VPS8: variants seen among roughly 807,000 people sequenced by gnomAD.
VPS8 encodes VPS8 subunit of CORVET complex, also known as vacuolar protein sorting-associated protein 8 homolog.
In VPS8, 129 loss-of-function variants were observed where a neutral mutation model predicts 216.4. The observed-to-expected ratio is 0.60, with a 90% CI of 0.52 to 0.69. The LOEUF (loss-of-function observed/expected upper bound fraction) is 0.69. VPS8 is among the 30% of genes least tolerant of loss of function. The probability of loss-of-function intolerance (pLI) is 0.00; values close to 1 mark genes in which losing one functional copy is unlikely to be tolerated. For synonymous variants in VPS8, 571 were observed against 565.4 expected (o/e 1.01, Z -0.14); for missense variants, 1,531 against 1,683.5 (o/e 0.91, Z 1.59).
At chr3:184,899,835 T>C (rs1017239109) in intron 24 of VPS8, among the ~76,000 whole-genome samples, 68 of 152,344 alleles carry the variant, frequency 4.5e-4, no homozygotes, top group African/African-American at 1.6e-3. Context: ...TAACGTTGCT[T>C]TTGAAATGTT....
chr3:184,933,898 T>G (rs1342849503), intron 34 of VPS8, among the ~76,000 whole-genome samples: 1 of 152,208 alleles, frequency 6.6e-6, no homozygotes, highest in African/African-American at 2.4e-5. Flanking sequence ...AGTCTTGATA[T>G]CTTTAACAGA....
At chr3:184,898,168 C>G (rs1300178421) in intron 23 of VPS8, among the ~76,000 whole-genome samples, 1 of 152,090 alleles carries the variant, frequency 6.6e-6, no homozygotes, top group Non-Finnish European at 1.5e-5. Context: ...TGTCCAAGAT[C>G]AATGTAAGTT....
chr3:184,999,515 G>A (rs900279702), intron 44 of VPS8, among the ~76,000 whole-genome samples, 181 bp from the exon 45 acceptor site: 1 of 152,228 alleles, frequency 6.6e-6, no homozygotes, highest in Non-Finnish European at 1.5e-5. Flanking sequence ...ATGTATGAAT[G>A]TGGATTTTTA....
chr3:184,991,637 T>C (rs1009485664), intron 42 of VPS8, among the ~76,000 whole-genome samples: 1 of 152,152 alleles, frequency 6.6e-6, no homozygotes, highest in East Asian at 1.9e-4. Context: ...CCACATATTA[T>C]AGTAAATATT....
At chr3:184,943,499 G>C (rs971501359) in intron 36 of VPS8, among the ~76,000 whole-genome samples, 2 of 152,068 alleles carry the variant, frequency 1.3e-5, no homozygotes, top group African/African-American at 2.4e-5. Flanking sequence ...ACGGATATAG[G>C]GTCAAAACAA....
At chr3:185,018,427 A>G (rs375239294) in intron 45 of VPS8, among the ~76,000 whole-genome samples, 1 of 152,208 alleles carries the variant, frequency 6.6e-6, no homozygotes, top group Non-Finnish European at 1.5e-5. Flanking sequence ...ATCATCCTGC[A>G]TGACCACTTG....
At chr3:184,976,391 T>G (rs986168945) in intron 40 of VPS8, among the ~76,000 whole-genome samples, 8 of 152,098 alleles carry the variant, frequency 5.3e-5, no homozygotes, top group Admixed American at 1.3e-4. Context: ...GACTTTTTTT[T>G]TTGTTTTTTC....
In VPS8 at chr3:184,838,715, A is replaced by G. The variant is rs1395797454; in HGVS notation, c.449A>G (p.Asp150Gly). ...GISAQIVSAA[D>G]KVDAGLPTAI... ...TACTTTCTTTAAAATTTCATTTAGGACAAAGTAGATGCTGGCTTGCCTACA... is the reference window on the plus strand; with the variant it reads ...TACTTTCTTTAAAATTTCATTTAGGGCAAAGTAGATGCTGGCTTGCCTACA... The change falls in exon 6 of 48, where the codon GAC becomes GGC. Residue 150 changes from aspartate to glycine, a missense_variant and splice_region_variant. By Grantham distance (94) the Asp-to-Gly change is moderately conservative. Around this residue, in one of 3 missense-constraint regions of VPS8, gnomAD observed 199 missense variants for 182.2 expected, o/e 1.09. Transcript: ENST00000625842. 1.3e-6 allele frequency: 2 copies of G among 1,541,898 alleles called. No individual in the cohort carries two copies. Among genetic ancestry groups the G allele is most frequent in the South Asian group, 1.2e-5 (1 of 80,346 alleles).
At chr3:184,846,486 TCTC>T (rs1372300594) in intron 8 of VPS8, among the ~76,000 whole-genome samples, 1 of 152,214 alleles carries the variant, frequency 6.6e-6, no homozygotes, top group African/African-American at 2.4e-5. Flanking sequence ...TATTCTCAGT[TCTC>T]CTGCTTATAC....
intron 22 of VPS8, among the ~76,000 whole-genome samples, chr3:184,886,885 A>G (rs1731377503): frequency 2.0e-5 from 3 of 152,106 alleles, no homozygotes. Flanking sequence ...GGCCTGGTAT[A>G]TATGCTTTTA....
intron 46 of VPS8, among the ~76,000 whole-genome samples, chr3:185,040,862 T>G (rs1267039002): frequency 6.6e-6 from 1 of 152,196 alleles, no homozygotes; most frequent in Non-Finnish European, 1.5e-5. Flanking sequence ...CTCCCAAGGA[T>G]AGGCCTCTTT....
intron 46 of VPS8, among the ~76,000 whole-genome samples, chr3:185,040,930 C>T (rs866771490): frequency 7.9e-5 from 12 of 152,128 alleles, no homozygotes; most frequent in South Asian, 2.1e-4. Context: ...TGGCCAGGCG[C>T]GGTGGCTCAT....
At chr3:184,989,888 C>T (rs62289477) in intron 42 of VPS8, among the ~76,000 whole-genome samples, 10,068 of 151,728 alleles carry the variant, frequency 0.066, 363 homozygotes, top group Middle Eastern at 0.11. Context: ...CTGGCTAACA[C>T]GGTGAAAACC....
intron 1 of VPS8, among the ~76,000 whole-genome samples, chr3:184,822,745 G>A (rs1717878283): frequency 6.6e-6 from 1 of 152,180 alleles, no homozygotes; most frequent in Non-Finnish European, 1.5e-5. Flanking sequence ...ATGAGCTAAG[G>A]TCTTTGAAGA....
At chr3:185,011,525 T>C (rs181336684) in intron 45 of VPS8, among the ~76,000 whole-genome samples, 1 of 152,310 alleles carries the variant, frequency 6.6e-6, no homozygotes, top group East Asian at 1.9e-4. Flanking sequence ...GTTTTCCAAA[T>C]TGTGTACAGA....
At chr3:184,966,216 C>T (rs993085396) in intron 38 of VPS8, among the ~76,000 whole-genome samples, 1 of 152,090 alleles carries the variant, frequency 6.6e-6, no homozygotes, top group African/African-American at 2.4e-5. Context: ...AAACATCCAG[C>T]TCTCATGTAA....
intron 46 of VPS8, among the ~76,000 whole-genome samples, chr3:185,041,565 T>G (rs1377294722): frequency 1.3e-5 from 2 of 152,188 alleles, no homozygotes; most frequent in Non-Finnish European, 2.9e-5. Context: ...CCAACATGTT[T>G]CCTGATGAAG....
At chr3:184,885,856 C>G (rs1731123203) in intron 21 of VPS8, 3 of 332,212 alleles carry the variant, frequency 9.0e-6, no homozygotes, top group Non-Finnish European at 1.6e-5. Flanking sequence ...TAGAAAGATG[C>G]AGTGAACACC....
At chr3:184,914,609 T>C (rs548532938) in intron 26 of VPS8, among the ~76,000 whole-genome samples, 18 of 152,324 alleles carry the variant, frequency 1.2e-4, no homozygotes, top group Admixed American at 9.2e-4. Flanking sequence ...AACGCCAGGC[T>C]TTTAACAGAT....
Sources: allele counts gnomAD v4.1 joint callset (sites outside exome capture counted in the v4.1 genomes callset), GRCh38; gene constraint gnomAD v4.1.1; regional missense constraint gnomAD v4.1.1; transcripts MANE v1.5; gene names NCBI Gene and HGNC (gene_info 2026-07-23, HGNC 2026-07-21).